Variants in FERRY3 observed in about 807,000 individuals in gnomAD.
FERRY3 encodes FERRY endosomal RAB5 effector complex subunit 3.
the FERRY3 span, chr12:4,525,134 G>T: frequency 8.0e-7 from 1 of 1,245,398 alleles, no homozygotes; most frequent in Middle Eastern, 2.9e-4. Context: ...GCATAAAATT[G>T]TCTTGAACTT....
At chr12:4,491,630 G>A in the FERRY3 span, among the ~76,000 whole-genome samples, 1 of 152,088 alleles carries the variant, frequency 6.6e-6, no homozygotes, top group South Asian at 2.1e-4. Context: ...ACAAATGAGT[G>A]GAAATAAACA....
the FERRY3 span, chr12:4,500,119 G>T: frequency 6.3e-7 from 1 of 1,588,704 alleles, no homozygotes; most frequent in Non-Finnish European, 8.6e-7. Context: ...AAAATTACAG[G>T]ATTTTTCTAT....
At chr12:4,516,647 G>C in the FERRY3 span, among the ~76,000 whole-genome samples, 2 of 152,196 alleles carry the variant, frequency 1.3e-5, no homozygotes, top group African/African-American at 4.8e-5. Flanking sequence ...ACTTATAAAT[G>C]GGAGCTGAAT....
At chr12:4,518,332 T>C in the FERRY3 span, 1 of 1,302,376 alleles carries the variant, frequency 7.7e-7, no homozygotes, top group Non-Finnish European at 1.1e-6. Flanking sequence ...CAAATCTCTA[T>C]GGCAAGAATC....
the FERRY3 span, chr12:4,535,995 TAAA>T: frequency 8.5e-7 from 1 of 1,175,146 alleles, no homozygotes; most frequent in Admixed American, 2.8e-5. The surrounding 1 kb of genome is among the most constrained non-coding windows in gnomAD (Gnocchi z 4.0). Flanking sequence ...TGGTGTTACT[TAAA>T]AAAAAAAACA....
the FERRY3 span, among the ~76,000 whole-genome samples, chr12:4,537,870 A>G: frequency 6.6e-5 from 10 of 152,228 alleles, no homozygotes; most frequent in South Asian, 2.1e-4. Context: ...TATGTTCGCT[A>G]AAGTACACCC....
chr12:4,535,580 AT>A, the FERRY3 span, among the ~76,000 whole-genome samples: 32 of 152,368 alleles, frequency 2.1e-4, no homozygotes, highest in African/African-American at 7.2e-4. The surrounding 1 kb of genome is among the most constrained non-coding windows in gnomAD (Gnocchi z 4.0). Context: ...ATCTAACTTT[AT>A]AAAACTAATT....
chr12:4,506,310 G>A, the FERRY3 span, among the ~76,000 whole-genome samples: 3,312 of 152,124 alleles, frequency 0.022, 98 homozygotes, highest in African/African-American at 0.075. Context: ...CTTCAAACAA[G>A]TAAACAGCAA....
At chr12:4,497,232 T>A in the FERRY3 span, among the ~76,000 whole-genome samples, 1 of 152,150 alleles carries the variant, frequency 6.6e-6, no homozygotes, top group African/African-American at 2.4e-5. Flanking sequence ...TGCACAATAT[T>A]ATGGATAGAT....
At chr12:4,525,570 T>C in the FERRY3 span, 2 of 1,609,854 alleles carry the variant, frequency 1.2e-6, no homozygotes, top group East Asian at 2.2e-5. Flanking sequence ...ACTTTTTCCA[T>C]TTCAATACCT....
the FERRY3 span, among the ~76,000 whole-genome samples, chr12:4,493,793 T>G: frequency 1.3e-5 from 2 of 152,106 alleles, no homozygotes; most frequent in African/African-American, 4.8e-5. Context: ...ACGAGGTGAC[T>G]AAGAAATGTC....
At chr12:4,490,718 G>A in the FERRY3 span, 16 of 678,272 alleles carry the variant, frequency 2.4e-5, no homozygotes, top group South Asian at 3.7e-5. Context: ...CCATTTGCTC[G>A]TAGGATAGGC....
chr12:4,510,754 A>G, the FERRY3 span, among the ~76,000 whole-genome samples: 2 of 145,862 alleles, frequency 1.4e-5, no homozygotes, highest in East Asian at 4.1e-4. Context: ...AGCGCTAAAC[A>G]TGGAAAGGAA....
the FERRY3 span, among the ~76,000 whole-genome samples, chr12:4,533,756 C>G: frequency 1.3e-5 from 2 of 152,190 alleles, no homozygotes; most frequent in Non-Finnish European, 2.9e-5. Flanking sequence ...AGATAAAACA[C>G]AGAACACTCA....
chr12:4,521,773 T>C, the FERRY3 span, among the ~76,000 whole-genome samples: 3 of 152,204 alleles, frequency 2.0e-5, no homozygotes, highest in Admixed American at 2.0e-4. Context: ...GTCATATACA[T>C]ATATCTGTGT....
the FERRY3 span, among the ~76,000 whole-genome samples, chr12:4,516,372 T>C: frequency 6.6e-6 from 1 of 152,102 alleles, no homozygotes; most frequent in African/African-American, 2.4e-5. Context: ...TGGGTATATA[T>C]CCAAAGGAAT....
At chr12:4,518,551 T>C in the FERRY3 span, among the ~76,000 whole-genome samples, 1 of 152,174 alleles carries the variant, frequency 6.6e-6, no homozygotes. Context: ...ATTTTTCTCT[T>C]ACAGCATATA....
At chr12:4,505,911 C>T in the FERRY3 span, among the ~76,000 whole-genome samples, 1 of 151,854 alleles carries the variant, frequency 6.6e-6, no homozygotes, top group Non-Finnish European at 1.5e-5. Context: ...TGTATATTCA[C>T]CCCATTCCTA....
the FERRY3 span, among the ~76,000 whole-genome samples, chr12:4,515,091 T>G: frequency 3.5e-4 from 52 of 149,868 alleles, no homozygotes; most frequent in African/African-American, 1.1e-3. Flanking sequence ...AATAAATAAA[T>G]AAAGAATAAA....
Sources: gnomAD v4.1 joint callset for allele counts (sites outside exome capture counted in the v4.1 genomes callset) on GRCh38, gnomAD v4.1.1 for gene constraint, Gnocchi (gnomAD v3.1) non-coding constraint, MANE v1.5 for transcripts, NCBI Gene and HGNC (gene_info 2026-07-23, HGNC 2026-07-21) for gene names.